The following NELL1 variants were observed in gnomAD, a reference collection of about 807,000 sequenced individuals.
NELL1 encodes the protein neural EGFL like 1, also known as protein kinase C-binding protein NELL1.
In NELL1, 76 loss-of-function variants were observed where a neutral mutation model predicts 107.4. That is an observed-to-expected ratio of 0.71 (90% confidence interval 0.59 to 0.86). The LOEUF (loss-of-function observed/expected upper bound fraction) is 0.86. Ranked by LOEUF, NELL1 falls within the 40% of genes least tolerant of loss-of-function variation. The pLI, the probability that NELL1 is intolerant of heterozygous loss-of-function variation, is 0.00. For missense variants in NELL1, 1,024 were observed against 1,005.5 expected (o/e 1.02, Z -0.25); for synonymous variants, 353 against 341.2 (o/e 1.03, Z -0.38).
chr11:21,014,990 C>G (rs1373404803), intron 12 of NELL1, among the ~76,000 whole-genome samples: 1 of 152,106 alleles, frequency 6.6e-6, no homozygotes, highest in South Asian at 2.1e-4. Flanking sequence ...TTGATTTTCA[C>G]TTATCACTGA....
intron 2 of NELL1, among the ~76,000 whole-genome samples, chr11:20,747,104 G>T (rs1256174516): frequency 6.6e-6 from 1 of 152,112 alleles, no homozygotes; most frequent in African/African-American, 2.4e-5. Flanking sequence ...AATAATTTTT[G>T]AGTATTGCCT....
intron 5 of NELL1, among the ~76,000 whole-genome samples, chr11:20,903,083 G>A (rs1849913625): frequency 6.6e-6 from 1 of 151,900 alleles, no homozygotes; most frequent in African/African-American, 2.4e-5. Context: ...ATGTTGTTTT[G>A]TACATCATAA....
intron 15 of NELL1, among the ~76,000 whole-genome samples, chr11:21,533,904 T>C (rs1490705773): frequency 6.6e-6 from 1 of 152,194 alleles, no homozygotes; most frequent in African/African-American, 2.4e-5. Flanking sequence ...CATATAATTA[T>C]GACAAGTCTC....
chr11:21,421,516 C>T (rs7108505), intron 15 of NELL1, among the ~76,000 whole-genome samples: 4,346 of 152,078 alleles, frequency 0.029, 214 homozygotes, highest in African/African-American at 0.097. Context: ...AGATTACTAT[C>T]GCTGCTTCTG....
chr11:21,428,916 G>A (rs978137973), intron 15 of NELL1, among the ~76,000 whole-genome samples: 2 of 152,166 alleles, frequency 1.3e-5, no homozygotes, highest in East Asian at 1.9e-4. Flanking sequence ...TTATCACATC[G>A]AGGTGTGCAG....
intron 3 of NELL1, among the ~76,000 whole-genome samples, chr11:20,820,011 C>A (rs1203851239): frequency 2.6e-5 from 4 of 152,150 alleles, no homozygotes; most frequent in Admixed American, 6.5e-5. Context: ...AGATAAGGTT[C>A]TCAATCTAGA....
intron 14 of NELL1, among the ~76,000 whole-genome samples, chr11:21,342,641 TTAAA>T (rs1850596844): frequency 8.9e-6 from 1 of 112,114 alleles, no homozygotes; most frequent in South Asian, 3.2e-4. Flanking sequence ...GAGACTGTCT[TTAAA>T]AAAAAAAAAA....
intron 13 of NELL1, among the ~76,000 whole-genome samples, chr11:21,127,842 C>G (rs534814384): frequency 6.6e-6 from 1 of 152,222 alleles, no homozygotes; most frequent in Admixed American, 6.5e-5. Flanking sequence ...GAAAGATATA[C>G]TTGTTTATGG....
At chr11:21,268,077 A>T (rs780688003) in intron 14 of NELL1, among the ~76,000 whole-genome samples, 2 of 152,146 alleles carry the variant, frequency 1.3e-5, no homozygotes, top group Non-Finnish European at 2.9e-5. Context: ...CTGCCCCCCA[A>T]ACTGGAAAGA....
chr11:21,049,222 A>T (rs1377888826), intron 12 of NELL1, among the ~76,000 whole-genome samples: 1 of 152,166 alleles, frequency 6.6e-6, no homozygotes, highest in African/African-American at 2.4e-5. Flanking sequence ...ACTAAGGGAA[A>T]TTCCCAGAAA....
chr11:20,944,104 C>G (rs1365628081), intron 10 of NELL1, among the ~76,000 whole-genome samples: 1 of 152,160 alleles, frequency 6.6e-6, no homozygotes, highest in Non-Finnish European at 1.5e-5. Context: ...TAAACTTCCT[C>G]TTAGGCATCT....
intron 17 of NELL1, among the ~76,000 whole-genome samples, chr11:21,568,130 TA>T (rs1167075505): frequency 6.6e-6 from 1 of 151,870 alleles, no homozygotes; most frequent in Non-Finnish European, 1.5e-5. Flanking sequence ...GCTACACACC[TA>T]GGCTATTTGG....
intron 14 of NELL1, among the ~76,000 whole-genome samples, chr11:21,263,755 T>C (rs1791830): frequency 0.9 from 136,998 of 151,872 alleles, 61,957 homozygotes; most frequent in Non-Finnish European, 0.93. Context: ...GCAAAACAAA[T>C]TGTTTCTTGG....
At chr11:20,966,553 G>A (rs1466559192) in intron 12 of NELL1, among the ~76,000 whole-genome samples, 1 of 152,040 alleles carries the variant, frequency 6.6e-6, no homozygotes, top group Admixed American at 6.6e-5. Flanking sequence ...TTTCTTTTCT[G>A]TTTTCTCATT....
chr11:20,671,158 G>A (rs1021339555), intron 1 of NELL1: 5 of 152,360 alleles, frequency 3.3e-5, no homozygotes, highest in African/African-American at 9.6e-5. Flanking sequence ...CCCAGGCTGC[G>A]GAGACGCCAA....
chr11:20,748,430 G>A (rs1290223717), intron 2 of NELL1, among the ~76,000 whole-genome samples: 1 of 152,128 alleles, frequency 6.6e-6, no homozygotes, highest in African/African-American at 2.4e-5. Flanking sequence ...TAGCTTTTGG[G>A]ATACAAAGTA....
At chr11:20,710,205 A>G (rs1855077085) in intron 2 of NELL1, among the ~76,000 whole-genome samples, 1 of 152,118 alleles carries the variant, frequency 6.6e-6, no homozygotes, top group African/African-American at 2.4e-5. Context: ...GAAGGCTTTT[A>G]TTACCTTGAG....
chr11:21,371,598 G>T (rs1274505903), intron 15 of NELL1, among the ~76,000 whole-genome samples: 1 of 152,052 alleles, frequency 6.6e-6, no homozygotes, highest in Non-Finnish European at 1.5e-5. Context: ...GAAATTTGAT[G>T]TTCAATGCCA....
chr11:20,947,034 C>T (rs923698508), intron 10 of NELL1, among the ~76,000 whole-genome samples: 21 of 152,088 alleles, frequency 1.4e-4, no homozygotes, highest in African/African-American at 4.1e-4. Flanking sequence ...TAGGCCCCAC[C>T]GGACCAAGAG....
Sources: gnomAD v4.1 joint callset for allele counts (sites outside exome capture counted in the v4.1 genomes callset) on GRCh38, gnomAD v4.1.1 for gene constraint, MANE v1.5 for transcripts, NCBI Gene and HGNC (gene_info 2026-07-23, HGNC 2026-07-21) for gene names.